Variants in PALLD observed in about 807,000 individuals in gnomAD.
PALLD encodes palladin.
Under a neutral mutation model 123.5 loss-of-function variants are expected in PALLD, and 61 were observed. That is an observed-to-expected ratio of 0.49 (90% CI 0.40 to 0.61). The LOEUF (loss-of-function observed/expected upper bound fraction) is 0.61, where lower values mean the gene tolerates loss of function less well. Ranked by LOEUF, PALLD falls within the 20% of genes least tolerant of loss-of-function variation. The probability of loss-of-function intolerance (pLI) is 0.00; values close to 1 mark genes in which losing one functional copy is unlikely to be tolerated. For synonymous variants in PALLD, 465 were observed against 496.4 expected (o/e 0.94, Z 0.84); for missense variants, 1,273 against 1,377.0 (o/e 0.92, Z 1.20).
At chr4:168,546,606 T>C (rs932356784) in intron 2 of PALLD, among the ~76,000 whole-genome samples, 4 of 152,148 alleles carry the variant, frequency 2.6e-5, no homozygotes, top group African/African-American at 9.7e-5. Context: ...ATAGACATCC[T>C]GCAGGTCTTT....
intron 10 of PALLD, among the ~76,000 whole-genome samples, chr4:168,870,795 A>G (rs1226240872): frequency 6.6e-6 from 1 of 152,220 alleles, no homozygotes; most frequent in Non-Finnish European, 1.5e-5. Flanking sequence ...ACACTATTTG[A>G]ACGTTTCTCT....
chr4:168,888,282 C>T (rs1043049749), intron 10 of PALLD, among the ~76,000 whole-genome samples: 7 of 152,026 alleles, frequency 4.6e-5, no homozygotes, highest in African/African-American at 1.7e-4. Flanking sequence ...AGGGACAAAC[C>T]TAGAATAGCA....
intron 1 of PALLD, among the ~76,000 whole-genome samples, chr4:168,511,171 T>C (rs915502927): frequency 6.6e-6 from 1 of 152,208 alleles, no homozygotes; most frequent in Non-Finnish European, 1.5e-5. Flanking sequence ...CTACTAATAG[T>C]GCCTACTGCA....
At chr4:168,899,566 T>A (rs1468184721) in intron 14 of PALLD, among the ~76,000 whole-genome samples, 1 of 152,070 alleles carries the variant, frequency 6.6e-6, no homozygotes, top group Non-Finnish European at 1.5e-5. Flanking sequence ...TGAGGAGAGT[T>A]GTGTTAGGCC....
At chr4:168,848,052 C>CT (rs1747147593) in intron 10 of PALLD, among the ~76,000 whole-genome samples, 1 of 152,074 alleles carries the variant, frequency 6.6e-6, no homozygotes, top group African/African-American at 2.4e-5. Flanking sequence ...CATTTAACCT[C>CT]TAAGAAAACT....
chr4:168,805,039 A>C (rs1185968768), intron 10 of PALLD, among the ~76,000 whole-genome samples: 4 of 152,014 alleles, frequency 2.6e-5, no homozygotes, highest in Non-Finnish European at 4.4e-5. Flanking sequence ...GGTGCCTATA[A>C]TCCAGCTACT....
chr4:168,595,501 A>G (rs1415582444), intron 2 of PALLD, among the ~76,000 whole-genome samples: 1 of 152,178 alleles, frequency 6.6e-6, no homozygotes, highest in Non-Finnish European at 1.5e-5. Context: ...CTTATTATGT[A>G]TAATTATACA....
In PALLD at chr4:168,869,751, T is replaced by A. The variant is rs931366119; in HGVS notation, c.1965-21171T>A. 6.6e-6 allele frequency among the ~76,000 whole-genome samples: 1 copy of A among 151,890 alleles called. No individual in the cohort carries two copies. Among genetic ancestry groups the A allele is most frequent in the East Asian group, 1.9e-4 (1 of 5,190 alleles). ...GTCTAGACATAAGTTTGAAGTGAAG[T>A]AGCACATTTATGTTACATGGAAGTG... On this transcript the variant is annotated intron_variant, in intron 10 of 21. Coordinates refer to ENST00000505667, the MANE Select transcript of PALLD (RefSeq NM_001166108.2). This position sits in a 1 kb window ranked among gnomAD's most constrained non-coding sequence, Gnocchi z 4.5.
Position 168,916,506 on chromosome 4 carries a change from A to G in PALLD, c.2850+479A>G, listed in dbSNP as rs1006063602. Among the ~76,000 whole-genome samples the G allele has an allele frequency of 9.6e-4, 131 of 136,714 alleles. 1 individual carries two copies. The highest frequency in any genetic ancestry group is 2.0e-4 in the Non-Finnish European group (12 of 60,774). 89.7% of individuals were successfully genotyped at this position (136,714 alleles called of 152,430 possible). ...ATGATTCTTTAAATCTAAATTAAAT[A>G]TGTTCTTTACTCAGAACCCTACATG... On this transcript the variant is annotated intron_variant, in intron 17 of 21. Coordinates refer to ENST00000505667, the MANE Select transcript of PALLD (RefSeq NM_001166108.2).
At chr4:168,888,185 C>CT (rs1753637843) in intron 10 of PALLD, among the ~76,000 whole-genome samples, 1 of 152,156 alleles carries the variant, frequency 6.6e-6, no homozygotes, top group African/African-American at 2.4e-5. Context: ...TCCTATGGTT[C>CT]TTACTGTCTC....
chr4:168,753,743 A>G (rs907702339), intron 10 of PALLD, among the ~76,000 whole-genome samples: 2 of 152,092 alleles, frequency 1.3e-5, no homozygotes, highest in African/African-American at 4.8e-5. Flanking sequence ...ACCAGCACCA[A>G]CTTGCCAGCC....
At chr4:168,549,285 A>G (rs1766485420) in intron 2 of PALLD, among the ~76,000 whole-genome samples, 1 of 151,664 alleles carries the variant, frequency 6.6e-6, no homozygotes, top group African/African-American at 2.4e-5. Context: ...AAAAATTAGT[A>G]TTGCAGCGTC....
intron 10 of PALLD, among the ~76,000 whole-genome samples, chr4:168,870,114 G>A (rs1288402180): frequency 1.3e-5 from 2 of 152,188 alleles, no homozygotes; most frequent in Non-Finnish European, 2.9e-5. Context: ...TGAATGAAAT[G>A]TCAAAGCCAA....
intron 15 of PALLD, among the ~76,000 whole-genome samples, chr4:168,908,208 C>T (rs1208659208): frequency 6.6e-6 from 1 of 152,076 alleles, no homozygotes; most frequent in Admixed American, 6.5e-5. Flanking sequence ...ACTGGTATGT[C>T]CAAATATGGC....
At chr4:168,521,688 G>A (rs543336112) in intron 2 of PALLD, among the ~76,000 whole-genome samples, 1 of 152,096 alleles carries the variant, frequency 6.6e-6, no homozygotes, top group Non-Finnish European at 1.5e-5. Context: ...ATGGTATAGA[G>A]CCTATGGAGA....
chr4:168,856,476 C>G (rs989312969), intron 10 of PALLD, among the ~76,000 whole-genome samples: 55 of 152,164 alleles, frequency 3.6e-4, no homozygotes, highest in Non-Finnish European at 5.9e-5. Flanking sequence ...AATGTATAAG[C>G]ATTCCCTTTT....
chr4:168,531,639 A>T (rs1764610483), intron 2 of PALLD, among the ~76,000 whole-genome samples: 1 of 152,210 alleles, frequency 6.6e-6, no homozygotes, highest in Non-Finnish European at 1.5e-5. Flanking sequence ...ATGCATGCTT[A>T]AGGAATACTC....
At chr4:168,611,514 TAAACC>T (rs1247253970) in intron 2 of PALLD, among the ~76,000 whole-genome samples, 3 of 152,170 alleles carry the variant, frequency 2.0e-5, no homozygotes, top group Non-Finnish European at 4.4e-5. Flanking sequence ...CAAAAACACC[TAAACC>T]TACAGATCGT....
chr4:168,713,165 C>T (rs1785002195), intron 10 of PALLD, among the ~76,000 whole-genome samples: 1 of 152,216 alleles, frequency 6.6e-6, no homozygotes, highest in African/African-American at 2.4e-5. Context: ...TCTTTTAAGA[C>T]AGTAGGGCTA....
Sources: allele counts gnomAD v4.1 joint callset (sites outside exome capture counted in the v4.1 genomes callset), GRCh38; gene constraint gnomAD v4.1.1; non-coding constraint Gnocchi (gnomAD v3.1); transcripts MANE v1.5; gene names NCBI Gene and HGNC (gene_info 2026-07-23, HGNC 2026-07-21).